The following CFAP54 variants were observed in gnomAD, a reference collection of about 807,000 sequenced individuals.
CFAP54 encodes cilia and flagella associated protein 54.
In CFAP54, 290 loss-of-function variants were observed where a neutral mutation model predicts 370.4. The ratio of observed to expected loss-of-function variants is 0.78; its 90% confidence interval spans 0.71 to 0.86. The LOEUF is 0.86. CFAP54 is among the 40% of genes least tolerant of loss of function. The probability of loss-of-function intolerance (pLI) is 0.00; values close to 1 mark genes in which losing one functional copy is unlikely to be tolerated. For missense variants in CFAP54, 3,399 were observed against 3,528.7 expected (o/e 0.96, Z 0.93); for synonymous variants, 1,206 against 1,236.5 (o/e 0.98, Z 0.52).
chr12:96,704,456 A>G (rs1459393261), intron 46 of CFAP54, among the ~76,000 whole-genome samples: 480 of 6,936 alleles, frequency 0.069, 13 homozygotes, highest in South Asian at 0.2. Flanking sequence ...ATGTGTGTAT[A>G]TATATATATA....
At chr12:96,576,297 T>C (rs1161576633) in intron 19 of CFAP54, among the ~76,000 whole-genome samples, 6 of 151,854 alleles carry the variant, frequency 4.0e-5, no homozygotes, top group Non-Finnish European at 7.4e-5. Flanking sequence ...TTCAAAAGGT[T>C]CAATTTAAAA....
rs142763272 is a variant in CFAP54, at chr12:96,772,942, A to G, written c.8281+7724A>G. On this transcript the variant is annotated intron_variant, in intron 60 of 67. Coordinates refer to ENST00000524981, the MANE Select transcript of CFAP54 (RefSeq NM_001306084.2). ...CAATCTTAATTCTCCTTTGCCCTGTAATCTAACATATTCACAGATTCTGGG... is the reference window on the plus strand; with the variant it reads ...CAATCTTAATTCTCCTTTGCCCTGTGATCTAACATATTCACAGATTCTGGG... Among the ~76,000 whole-genome samples the G allele has an allele frequency of 7.4e-4, 112 of 152,258 alleles. 1 individual carries two copies. The highest frequency in any genetic ancestry group is 7.1e-3 in the Admixed American group (108 of 15,288).
intron 29 of CFAP54, 55 bp downstream of exon 29, chr12:96,625,862 T>A: frequency 7.7e-7 from 1 of 1,297,038 alleles, no homozygotes; most frequent in Non-Finnish European, 1.1e-6. Flanking sequence ...TGAAGAGAAT[T>A]AATTCTGTGG....
intron 17 of CFAP54, among the ~76,000 whole-genome samples, chr12:96,563,924 G>T (rs1955839354): frequency 6.6e-6 from 1 of 151,990 alleles, no homozygotes. Context: ...CACCATGATG[G>T]TCAGTCCCAA....
chr12:96,554,336 G>A, intron 16 of CFAP54, 26 bp downstream of exon 16: 1 of 1,475,194 alleles, frequency 6.8e-7, no homozygotes. Context: ...TCTTAAATTA[G>A]ATTGAAGTTT....
At chr12:96,580,885 T>A in intron 21 of CFAP54, 35 bp from the exon 22 acceptor site, 1 of 1,353,584 alleles carries the variant, frequency 7.4e-7, no homozygotes, top group Non-Finnish European at 9.7e-7. Flanking sequence ...ATTTTAATTT[T>A]TCATGTATAA....
intron 26 of CFAP54, among the ~76,000 whole-genome samples, chr12:96,605,945 G>A (rs764869152): frequency 6.6e-6 from 1 of 152,170 alleles, no homozygotes; most frequent in Non-Finnish European, 1.5e-5. Context: ...TGTAAGACAA[G>A]GTTTGTTGGG....
chr12:96,664,725 C>A (rs11108629), intron 39 of CFAP54, among the ~76,000 whole-genome samples: 131 of 72,360 alleles, frequency 1.8e-3, no homozygotes, highest in African/African-American at 3.9e-3. Flanking sequence ...CTATATATAT[C>A]TATATATATA....
intron 5 of CFAP54, among the ~76,000 whole-genome samples, chr12:96,513,902 C>T (rs2136360523): frequency 6.6e-6 from 1 of 152,314 alleles, no homozygotes; most frequent in Non-Finnish European, 1.5e-5. Context: ...CACTTAAACT[C>T]TAACCCAGTT....
chr12:96,575,509 C>T (rs999075162), intron 19 of CFAP54, among the ~76,000 whole-genome samples: 1 of 151,990 alleles, frequency 6.6e-6, no homozygotes, highest in Non-Finnish European at 1.5e-5. Flanking sequence ...TTCCAGAGTG[C>T]TTAAAATGAA....
intron 9 of CFAP54, among the ~76,000 whole-genome samples, chr12:96,531,957 C>T (rs1157946874): frequency 6.6e-6 from 1 of 152,194 alleles, no homozygotes; most frequent in Non-Finnish European, 1.5e-5. Flanking sequence ...AACTCCTGAC[C>T]CCAGGTGATC....
chr12:96,554,691 G>A lies in CFAP54; in HGVS notation c.2299G>A (p.Asp767Asn). The A allele has an allele frequency of 6.5e-7, 1 of 1,533,616 alleles. No individual in the cohort carries two copies. Among genetic ancestry groups the A allele is most frequent in the Middle Eastern group, 1.7e-4 (1 of 5,978 alleles). The change falls in exon 17 of 68, where the codon GAT becomes AAT. Residue 767 changes from aspartate to asparagine, a missense_variant. This residue lies in a region of CFAP54 where 2,796 missense variants were observed against 2,869.7 expected (regional missense o/e 0.97). Coordinates refer to ENST00000524981, the MANE Select transcript of CFAP54 (RefSeq NM_001306084.2). Reference protein sequence around the residue: ...HCYAKRTHHIDGDTYKPLASN... With the variant: ...HCYAKRTHHINGDTYKPLASN... ...TGGACCAAAGCGTACCCACCATATAGATGGAGATACTTACAAACCACTTGC... is the reference window on the plus strand; with the variant it reads ...TGGACCAAAGCGTACCCACCATATAAATGGAGATACTTACAAACCACTTGC...
intron 66 of CFAP54, among the ~76,000 whole-genome samples, chr12:96,836,867 A>G (rs1288344924): frequency 6.6e-6 from 1 of 152,186 alleles, no homozygotes; most frequent in Non-Finnish European, 1.5e-5. Context: ...GATCTCTGTC[A>G]TCCAGACTAT....
At chr12:96,765,352 A>T in intron 60 of CFAP54, 134 bp downstream of exon 60, 1 of 777,940 alleles carries the variant, frequency 1.3e-6, no homozygotes, top group South Asian at 4.4e-5. Context: ...CCAGGGGATC[A>T]TAGGGGTCCT....
chr12:96,606,479 T>C (rs996225782), intron 26 of CFAP54, among the ~76,000 whole-genome samples: 3 of 152,218 alleles, frequency 2.0e-5, no homozygotes, highest in Non-Finnish European at 4.4e-5. Flanking sequence ...GGAAAACAAT[T>C]AAAATAGTTA....
chr12:96,672,407 G>A (rs1957157928), intron 39 of CFAP54, among the ~76,000 whole-genome samples: 1 of 152,300 alleles, frequency 6.6e-6, no homozygotes. Context: ...TCTCAATGAA[G>A]CAAGGGGCTG....
intron 28 of CFAP54, 73 bp downstream of exon 28, chr12:96,623,954 G>T: frequency 1.0e-6 from 1 of 971,320 alleles, no homozygotes; most frequent in Non-Finnish European, 1.6e-6. Flanking sequence ...TTGTTCAAAG[G>T]ATTAAGATGA....
chr12:96,859,379 A>G (rs1959804674), intron 66 of CFAP54, among the ~76,000 whole-genome samples: 1 of 137,552 alleles, frequency 7.3e-6, no homozygotes, highest in Non-Finnish European at 1.6e-5. Context: ...GTCCTACTCC[A>G]GAATGCACTT....
chr12:96,597,896 T>C lies in CFAP54; in HGVS notation c.3517-749T>C, dbSNP rs561106775. Among the ~76,000 whole-genome samples, 10 of 152,032 alleles carry C rather than the reference T, an allele frequency of 6.6e-5. No homozygotes were observed. The South Asian group carries it at 2.1e-3, about 32-fold the overall frequency. ...GTGTTCACATGATTTAGGGATATGATATGGTAGCATGGGAGAGGCTGATTA... is the reference window on the plus strand; with the variant it reads ...GTGTTCACATGATTTAGGGATATGACATGGTAGCATGGGAGAGGCTGATTA... On this transcript the variant is annotated intron_variant, in intron 25 of 67. Transcript: ENST00000524981.
Sources: allele counts gnomAD v4.1 joint callset (sites outside exome capture counted in the v4.1 genomes callset), GRCh38; gene constraint gnomAD v4.1.1; regional missense constraint gnomAD v4.1.1; transcripts MANE v1.5; gene names NCBI Gene and HGNC (gene_info 2026-07-23, HGNC 2026-07-21).